MCAT: variants seen among roughly 807,000 people sequenced by gnomAD.
The protein encoded by MCAT is malonyl-CoA-acyl carrier protein transacylase.
In MCAT, 22 loss-of-function variants were observed where a neutral mutation model predicts 22.9. The ratio of observed to expected loss-of-function variants is 0.96; its 90% CI spans 0.69 to 1.37. The LOEUF is 1.37. Ranked by LOEUF, MCAT falls within the 40% of genes most tolerant of loss-of-function variation. MCAT has a pLI of 0.00. For missense variants in MCAT, 534 were observed against 533.6 expected (o/e 1.00, Z -0.01); for synonymous variants, 240 against 233.9 (o/e 1.03, Z -0.24).
chr22:43,140,873 C>T (rs1230499769), intron 2 of MCAT: 4 of 381,008 alleles, frequency 1.0e-5, no homozygotes, highest in Admixed American at 3.8e-5. Context: ...ATCTACTGAA[C>T]ACATACTCTC....
At chr22:43,142,643 G>A (rs1461698129) in intron 1 of MCAT, among the ~76,000 whole-genome samples, 6 of 151,920 alleles carry the variant, frequency 3.9e-5, no homozygotes, top group Non-Finnish European at 4.4e-5. Context: ...AAAATTAGCC[G>A]GGCATGGTGG....
At chr22:43,141,318 G>A (rs1028922095) in intron 1 of MCAT, 69 bp from the exon 2 acceptor site, 33 of 1,349,342 alleles carry the variant, frequency 2.4e-5, no homozygotes, top group Non-Finnish European at 3.4e-5. Flanking sequence ...CTCTGTACCT[G>A]AGAGCTGGCG....
chr22:43,138,975 T>C (rs1033835335), intron 2 of MCAT, among the ~76,000 whole-genome samples: 1 of 152,036 alleles, frequency 6.6e-6, no homozygotes. Context: ...GGAGGACAAA[T>C]ACATAAACAG....
intron 2 of MCAT, among the ~76,000 whole-genome samples, chr22:43,137,578 G>A (rs1464064936): frequency 6.6e-6 from 1 of 152,122 alleles, no homozygotes; most frequent in African/African-American, 2.4e-5. Flanking sequence ...CAGGCCGGGG[G>A]CAGTGTCCGG....
Position 43,137,185 on chromosome 22 carries a change from A to C in MCAT, c.625T>G (p.Leu209Val), listed in dbSNP as rs775355443. 1.2e-6 allele frequency: 2 copies of C among 1,614,062 alleles called. No homozygotes were observed. Among genetic ancestry groups the C allele is most frequent in the Admixed American group, 3.3e-5 (2 of 60,008 alleles). The stretch of plus-strand genomic sequence containing the variant: ...GACTTGCAGTGTTCCCGGGCTTCCA[A>C]ACAGGCGAAGTTGAACTTGGACTGA... ...QPQSKFNFACLEAREHCKSLG... is the reference protein window; with the variant it reads ...QPQSKFNFACVEAREHCKSLG... The change falls in exon 3 of 4, where the codon TTG becomes GTG. Residue 209 changes from leucine to valine, a missense_variant. Coordinates refer to ENST00000290429, the MANE Select transcript of MCAT (RefSeq NM_173467.5).
At chr22:43,134,628 C>T (rs148071100) in intron 3 of MCAT, among the ~76,000 whole-genome samples, 1 of 152,318 alleles carries the variant, frequency 6.6e-6, no homozygotes, top group East Asian at 1.9e-4. Context: ...TTCCTGTTGC[C>T]TGAGTCCTGG....
chr22:43,133,310 GT>G lies in MCAT; in HGVS notation c.905del (p.His302ProfsTer23). The G allele has an allele frequency of 6.2e-7, 1 of 1,614,170 alleles. No homozygotes were observed. The highest frequency in any genetic ancestry group is 8.5e-7 in the Non-Finnish European group (1 of 1,180,034). Reference protein sequence around the residue: ...KPLVSVYSNVHAHRYRHPGHI... With the variant: ...KPLVSVYSNVXAHRYRHPGHI... ...GCCCGGGATGCCTGTATCTATGCGC[GT>G]GGACGTTGGAGTAGACAGAAACCAG... is the stretch of plus-strand genomic sequence containing the variant. On this transcript the variant is annotated frameshift_variant, in exon 4 of 4. Coordinates refer to ENST00000290429, the MANE Select transcript of MCAT (RefSeq NM_173467.5). LOFTEE classifies it low-confidence loss of function (END_TRUNC).
rs1202757437 is a variant in MCAT, at chr22:43,143,044, A to G, written c.305T>C (p.Leu102Pro). 6.2e-7 allele frequency: 1 copy of G among 1,610,732 alleles called. No individual in the cohort carries two copies. Among genetic ancestry groups the G allele is most frequent in the South Asian group, 1.1e-5 (1 of 90,742 alleles). Residue 102 changes from leucine (L) to proline (P), a missense_variant, in exon 1 of 4, where the codon CTG becomes CCG. Leu to Pro is a moderately conservative substitution (Grantham distance 98, BLOSUM62 -3). Coordinates refer to ENST00000290429, the MANE Select transcript of MCAT (RefSeq NM_173467.5). ...CGGCCCGTGCAGGCTCAGTTCCAGC[A>G]GGTCGTAGCCCAGCACGCGGCGGGC... The part of the protein sequence containing the change: ...AAARRVLGYD[L>P]LELSLHGPQE...
intron 3 of MCAT, 146 bp downstream of exon 3, chr22:43,136,935 T>C (rs1930629068): frequency 1.4e-6 from 1 of 723,296 alleles, no homozygotes; most frequent in African/African-American, 1.7e-5. Flanking sequence ...CAGCACTCGG[T>C]CTACCTCACT....
Position 43,143,345 on chromosome 22 carries a change from T to C in MCAT, c.4A>G (p.Ser2Gly). 7.3e-7 allele frequency: 1 copy of C among 1,376,664 alleles called. No individual in the cohort carries two copies. Among genetic ancestry groups the C allele is most frequent in the South Asian group, 1.7e-5 (1 of 59,324 alleles). The allele number at this position is 1,376,664 out of a possible 1,614,324, so 85.3% of individuals were successfully genotyped here. A position where few individuals can be genotyped will look rare whatever the true frequency, so the allele number is the denominator to read the frequency against. MSVRVARVAWVR... is the reference protein window; with the variant it reads MGVRVARVAWVR... Reference sequence around the variant, plus strand: ...CACGCTACCCGTGCGACCCGGACGCTCATGGTCGGACACCTGCCCGCGCGC... The same window carrying C: ...CACGCTACCCGTGCGACCCGGACGCCCATGGTCGGACACCTGCCCGCGCGC... The change falls in exon 1 of 4, where the codon AGC becomes GGC. Residue 2 changes from serine to glycine, a missense_variant. Ser to Gly is a moderately conservative substitution (Grantham distance 56, BLOSUM62 0). Transcript: ENST00000290429.
chr22:43,142,832 G>T (rs1930813075), intron 1 of MCAT, 94 bp downstream of exon 1: 1 of 1,296,418 alleles, frequency 7.7e-7, no homozygotes. Flanking sequence ...TAAGACGTGG[G>T]AGCCCCCGGA....
At chr22:43,136,594 G>A (rs1265845689) in intron 3 of MCAT, among the ~76,000 whole-genome samples, 1 of 152,240 alleles carries the variant, frequency 6.6e-6, no homozygotes, top group Non-Finnish European at 1.5e-5. Flanking sequence ...AGGAACCCTG[G>A]CTAATCAGTC....
At chr22:43,140,453 C>T (rs973470666) in intron 2 of MCAT, among the ~76,000 whole-genome samples, 3 of 152,192 alleles carry the variant, frequency 2.0e-5, no homozygotes, top group South Asian at 2.1e-4. Context: ...AGGTAATCCT[C>T]CCACCTCATC....
At chr22:43,137,660 C>T (rs773968961) in intron 2 of MCAT, among the ~76,000 whole-genome samples, 9 of 152,048 alleles carry the variant, frequency 5.9e-5, no homozygotes, top group Non-Finnish European at 1.2e-4. Context: ...AGGGATGCTG[C>T]TCAACATGCT....
At position 43,133,315 on chromosome 22, in the gene MCAT, C is replaced by T. The variant is rs202009673; in HGVS notation, c.901G>A (p.Val301Ile). The change falls in exon 4 of 4, where the codon GTC becomes ATC. Residue 301 changes from valine (V) to isoleucine (I), a missense_variant. By Grantham distance (29) the Val-to-Ile change is conservative. Transcript: ENST00000290429. ...GGATGCCTGTATCTATGCGCGTGGACGTTGGAGTAGACAGAAACCAGAGGC... is the reference window on the plus strand; with the variant it reads ...GGATGCCTGTATCTATGCGCGTGGATGTTGGAGTAGACAGAAACCAGAGGC... Reference protein sequence around the residue: ...KKPLVSVYSNVHAHRYRHPGH... With the variant: ...KKPLVSVYSNIHAHRYRHPGH... 2.2e-5 allele frequency: 35 copies of T among 1,614,168 alleles called. No individual in the cohort carries two copies. In the East Asian group the frequency reaches 4.2e-4, roughly 20 times the overall value.
intron 3 of MCAT, among the ~76,000 whole-genome samples, chr22:43,136,848 A>G (rs1930626496): frequency 6.6e-6 from 1 of 152,182 alleles, no homozygotes; most frequent in African/African-American, 2.4e-5. Context: ...TACTTTAGAC[A>G]TGGGCTGGCT....
rs1930759404 is a variant in MCAT at position 43,141,233 on chromosome 22, A to AT, written c.439_440insA (p.Val147AspfsTer24). 6.2e-7 allele frequency: 1 copy of AT among 1,614,006 alleles called. No homozygotes were observed. The highest frequency in any genetic ancestry group is 2.2e-5 in the East Asian group (1 of 44,902). On this transcript the variant is annotated frameshift_variant, in exon 2 of 4. Transcript: ENST00000290429. LOFTEE classifies it high-confidence loss of function. ...TCCCACACTGAATCCAGCAGCAGCA[A>AT]CACAGTTCTCAATCACCTGTGGGGA...
chr22:43,143,257 C>A lies in MCAT; in HGVS notation c.92G>T (p.Gly31Val). 1 of 1,450,046 alleles carries A rather than the reference C, an allele frequency of 6.9e-7. No individual in the cohort carries two copies. The highest frequency in any genetic ancestry group is 2.9e-5 in the East Asian group (1 of 34,776). The allele number at this position is 1,450,046 out of a possible 1,614,324, so 89.8% of individuals were successfully genotyped here. Residue 31 changes from glycine (G) to valine (V), a missense_variant, in exon 1 of 4, where the codon GGC becomes GTC. Transcript: ENST00000290429. Reference protein sequence around the residue: ...GASSFPVPPPGAQGVAELLRD... With the variant: ...GASSFPVPPPVAQGVAELLRD... ...CAGCAGCTCCGCTACACCCTGGGCG[C>A]CCGGCGGAGGCACCGGGAAGCTCGA... is the stretch of plus-strand genomic sequence containing the variant.
At position 43,137,181 on chromosome 22, in the gene MCAT, T is replaced by G. The variant is rs975780530; in HGVS notation, c.629A>C (p.Glu210Ala). Residue 210 changes from glutamate (E) to alanine (A), a missense_variant, in exon 3 of 4, where the codon GAA (glutamate) becomes GCA (alanine). Coordinates refer to ENST00000290429, the MANE Select transcript of MCAT (RefSeq NM_173467.5). ...TAAAGACTTGCAGTGTTCCCGGGCT[T>G]CCAAACAGGCGAAGTTGAACTTGGA... ...PQSKFNFACL[E>A]AREHCKSLGI... 8 of 1,613,998 alleles carry G rather than the reference T, an allele frequency of 5.0e-6. No individual in the cohort carries two copies. The Admixed American group carries it at 1.3e-4, about 27-fold the overall frequency.
Sources: gnomAD v4.1 joint callset for allele counts (sites outside exome capture counted in the v4.1 genomes callset) on GRCh38, gnomAD v4.1.1 for gene constraint, MANE v1.5 for transcripts, NCBI Gene and HGNC (gene_info 2026-07-23, HGNC 2026-07-21) for gene names.